PPP1R1C: variants seen among roughly 807,000 people sequenced by gnomAD.
The protein encoded by PPP1R1C is protein phosphatase 1 regulatory subunit 1C.
Under a neutral mutation model 17.4 loss-of-function variants are expected in PPP1R1C, and 15 were observed. The observed-to-expected ratio is 0.86, with a 90% CI of 0.58 to 1.33. The LOEUF (loss-of-function observed/expected upper bound fraction) is 1.33, where lower values mean the gene tolerates loss of function less well. PPP1R1C is among the 40% of genes most tolerant of loss of function. The probability of loss-of-function intolerance (pLI) is 0.00; values close to 1 mark genes in which losing one functional copy is unlikely to be tolerated. For synonymous variants in PPP1R1C, 35 were observed against 43.1 expected, an observed-to-expected ratio of 0.81 and a Z score of 0.73; for missense variants, 143 against 130.0, an observed-to-expected ratio of 1.10 and a Z score of -0.48.
At chr2:181,998,943 A>C (rs927520170) in intron 2 of PPP1R1C, among the ~76,000 whole-genome samples, 15 of 152,204 alleles carry the variant, frequency 9.9e-5, no homozygotes, top group African/African-American at 1.4e-4. Context: ...ATTGGACTAA[A>C]ACGGATCATC....
intron 1 of PPP1R1C, among the ~76,000 whole-genome samples, chr2:181,954,985 C>T (rs1388789550): frequency 6.6e-6 from 1 of 152,154 alleles, no homozygotes; most frequent in East Asian, 1.9e-4. Flanking sequence ...GGGAAAGGTG[C>T]TGATACAAAA....
rs1286092153 is a variant in PPP1R1C, at chr2:182,117,540, A to G, written c.*245A>G. 7 of 379,040 alleles carry G rather than the reference A, an allele frequency of 1.8e-5. No homozygotes were observed. The highest frequency in any genetic ancestry group is 8.5e-5 in the African/African-American group (4 of 47,036). The allele number at this position is 379,040 out of a possible 1,614,324, so 23.5% of individuals were successfully genotyped here. On this transcript the variant is annotated 3_prime_UTR_variant, in exon 5 of 5. Transcript: ENST00000682840. ...TTTACAGTGATTCTTCTTTTTAACT[A>G]TGTAAAAATTTGCATACATGTGACT...
chr2:181,962,500 G>A lies in PPP1R1C; in HGVS notation n.111+7866G>A. On this transcript the variant is annotated intron_variant and non_coding_transcript_variant, in intron 1 of 5. Coordinates refer to the PPP1R1C transcript ENST00000464264. This position sits in a 1 kb window ranked among gnomAD's most constrained non-coding sequence, Gnocchi z 6.0. Reference sequence around the variant, plus strand: ...TCATGCTATCCAGGGAGGAGAGTGAGAGGACAGGACTCAGGCTTTGCCGAC... The same window carrying A: ...TCATGCTATCCAGGGAGGAGAGTGAAAGGACAGGACTCAGGCTTTGCCGAC... The A allele has an allele frequency of 4.4e-6, 3 of 677,638 alleles. No individual in the cohort carries two copies. The highest frequency in any genetic ancestry group is 8.2e-6 in the Non-Finnish European group (3 of 363,638). 42.0% of individuals were successfully genotyped at this position (677,638 alleles called of 1,614,324 possible).
At chr2:182,020,934 T>G (rs1352554406) in intron 2 of PPP1R1C, among the ~76,000 whole-genome samples, 1 of 152,198 alleles carries the variant, frequency 6.6e-6, no homozygotes, top group East Asian at 1.9e-4. Context: ...CCAAATACAC[T>G]TGTCTGTGCT....
intron 2 of PPP1R1C, among the ~76,000 whole-genome samples, chr2:181,989,983 G>C (rs1264926634): frequency 6.6e-6 from 1 of 152,054 alleles, no homozygotes; most frequent in Non-Finnish European, 1.5e-5. Flanking sequence ...AAATGATCTA[G>C]CACCAAGCTT....
In PPP1R1C at chr2:182,117,213, A is replaced by G; in HGVS notation, c.248A>G (p.Lys83Arg). 6.5e-7 allele frequency: 1 copy of G among 1,549,034 alleles called. No individual in the cohort carries two copies. Reference sequence around the variant, plus strand: ...ATAATTTTTATAATTTCAGGGGTTAAGCATCTGAAAGGCCAGAATGAATCA... The same window carrying G: ...ATAATTTTTATAATTTCAGGGGTTAGGCATCTGAAAGGCCAGAATGAATCA... ...VYTPPTIKGV[K>R]HLKGQNESAF... Residue 83 changes from lysine (K) to arginine (R), a missense_variant, in exon 5 of 5, where the codon AAG becomes AGG. Transcript: ENST00000682840.
At chr2:182,094,204 C>G (rs1688865913) in intron 4 of PPP1R1C, among the ~76,000 whole-genome samples, 1 of 152,158 alleles carries the variant, frequency 6.6e-6, no homozygotes, top group Non-Finnish European at 1.5e-5. Flanking sequence ...AAAAAAAGAG[C>G]TTGTGCAGAG....
chr2:181,966,780 TC>T (rs1684912499), intron 1 of PPP1R1C, among the ~76,000 whole-genome samples: 1 of 152,208 alleles, frequency 6.6e-6, no homozygotes. Flanking sequence ...ATTTGATGTG[TC>T]TGTCTAGTTT....
intron 2 of PPP1R1C, among the ~76,000 whole-genome samples, chr2:182,056,310 T>C (rs528762616): frequency 9.7e-4 from 148 of 152,376 alleles, no homozygotes; most frequent in Middle Eastern, 3.4e-3. Flanking sequence ...TCAGGCCCCA[T>C]GGTTTCCAAC....
At chr2:181,991,290 G>A (rs1574358015) in intron 2 of PPP1R1C, among the ~76,000 whole-genome samples, 1 of 152,228 alleles carries the variant, frequency 6.6e-6, no homozygotes, top group Non-Finnish European at 1.5e-5. Context: ...ACACATAGAT[G>A]AGATAGGCAC....
intron 5 of PPP1R1C, among the ~76,000 whole-genome samples, chr2:182,128,482 G>A (rs962055324): frequency 2.0e-5 from 3 of 152,024 alleles, no homozygotes; most frequent in Non-Finnish European, 2.9e-5. Flanking sequence ...CTGCAGGCAA[G>A]TTGTAAAGGA....
Position 182,030,263 on chromosome 2 carries a change from C to T in PPP1R1C, c.143-31179C>T, listed in dbSNP as rs1024104988. Among the ~76,000 whole-genome samples the T allele has an allele frequency of 1.7e-4, 26 of 152,354 alleles. 1 individual carries two copies. The highest frequency in any genetic ancestry group is 5.1e-4 in the African/African-American group (21 of 41,578). On this transcript the variant is annotated intron_variant, in intron 2 of 4. Transcript: ENST00000682840. ...TTGTTCCATTGCTGGTGAAGAACTG[C>T]GTTCCTTTGGAGGAGGAGAGGCACT... is the stretch of plus-strand genomic sequence containing the variant.
chr2:182,119,523 C>G (rs1416150587), downstream of PPP1R1C, among the ~76,000 whole-genome samples: 3 of 152,200 alleles, frequency 2.0e-5, no homozygotes, highest in South Asian at 4.1e-4. Flanking sequence ...GTCCCAACAA[C>G]AGTGTAAAAG....
intron 1 of PPP1R1C, among the ~76,000 whole-genome samples, chr2:181,974,521 C>T (rs551271279): frequency 6.6e-6 from 1 of 152,280 alleles, no homozygotes; most frequent in Admixed American, 6.5e-5. Context: ...CTCCCTTGCA[C>T]AAAGATTTGG....
chr2:182,097,705 C>A (rs1210143030), intron 4 of PPP1R1C, among the ~76,000 whole-genome samples: 1 of 152,140 alleles, frequency 6.6e-6, no homozygotes, highest in Non-Finnish European at 1.5e-5. Flanking sequence ...ATTTCTGTAT[C>A]TTTATGTGTT....
chr2:181,967,319 T>A lies in PPP1R1C; in HGVS notation n.112-7900T>A, dbSNP rs1684922974. Among the ~76,000 whole-genome samples the A allele has an allele frequency of 6.6e-6, 1 of 152,120 alleles. No homozygotes were observed. Among genetic ancestry groups the A allele is most frequent in the African/African-American group, 2.4e-5 (1 of 41,448 alleles). On this transcript the variant is annotated intron_variant and non_coding_transcript_variant, in intron 1 of 5. Transcript: ENST00000464264. This position sits in a 1 kb window ranked among gnomAD's most constrained non-coding sequence, Gnocchi z 5.5. ...ATTTCTGCTCTGATACCTGTGGGGT[T>A]TTTTTTCTTGTACTAATTTTGGGTT...
rs773426830 is a variant in PPP1R1C at position 181,987,880 on chromosome 2, C to T, written c.123C>T (p.Leu41=). The change falls in exon 2 of 5, where the codon CTC becomes CTT. Residue 41 remains leucine (L), a synonymous_variant. Transcript: ENST00000682840. The part of the protein sequence containing the change: ...RRPTPASLVI[L]NEHNPPEIDD... ...CTACACCAGCATCACTTGTGATTCT[C>T]AATGAGCATAACCCCCCAGGTAAAG... 12 of 1,613,038 alleles carry T rather than the reference C, an allele frequency of 7.4e-6. No homozygotes were observed. Among genetic ancestry groups the T allele is most frequent in the East Asian group, 2.2e-5 (1 of 44,852 alleles).
At chr2:182,038,392 C>A (rs955770553) in intron 2 of PPP1R1C, among the ~76,000 whole-genome samples, 1 of 152,138 alleles carries the variant, frequency 6.6e-6, no homozygotes, top group African/African-American at 2.4e-5. Flanking sequence ...TACATGGGCA[C>A]CTGGAGTAAA....
intron 4 of PPP1R1C, among the ~76,000 whole-genome samples, chr2:182,096,562 G>A (rs1424164761): frequency 6.6e-6 from 1 of 152,110 alleles, no homozygotes; most frequent in Non-Finnish European, 1.5e-5. Context: ...TCTACACCTG[G>A]CTTTAAATGC....
Sources: allele counts gnomAD v4.1 joint callset (sites outside exome capture counted in the v4.1 genomes callset), GRCh38; gene constraint gnomAD v4.1.1; non-coding constraint Gnocchi (gnomAD v3.1); transcripts MANE v1.5; gene names NCBI Gene and HGNC (gene_info 2026-07-23, HGNC 2026-07-21).